The following XYLB variants were observed in gnomAD, a reference collection of about 807,000 sequenced individuals.
XYLB encodes the protein xylulose kinase.
XYLB carries 62 observed loss-of-function variants against 78.7 expected under a neutral mutation model. The observed-to-expected ratio is 0.79, with a 90% CI of 0.64 to 0.97. The LOEUF is 0.97. XYLB is among the 50% of genes least tolerant of loss of function. XYLB has a pLI of 0.00. For missense variants in XYLB, 687 were observed against 676.8 expected (o/e 1.02, Z -0.17); for synonymous variants, 245 against 247.4 (o/e 0.99, Z 0.09).
intron 18 of XYLB, among the ~76,000 whole-genome samples, chr3:38,411,727 C>G (rs1708598587): frequency 6.6e-6 from 1 of 151,384 alleles, no homozygotes; most frequent in Admixed American, 6.6e-5. Context: ...TCCTTGAGAT[C>G]TCATAAAAGT....
intron 10 of XYLB, among the ~76,000 whole-genome samples, chr3:38,373,245 C>T: frequency 6.6e-6 from 1 of 152,108 alleles, no homozygotes; most frequent in South Asian, 2.1e-4. Flanking sequence ...GAAGCCACTC[C>T]TGGAGGGGCC....
At chr3:38,359,384 A>C (rs1037305510) in intron 2 of XYLB, among the ~76,000 whole-genome samples, 2 of 152,218 alleles carry the variant, frequency 1.3e-5, no homozygotes, top group African/African-American at 4.8e-5. Context: ...GCCATCGGGA[A>C]CATGTCACAT....
At chr3:38,390,534 A>C (rs959962236) in intron 15 of XYLB, among the ~76,000 whole-genome samples, 3 of 151,688 alleles carry the variant, frequency 2.0e-5, no homozygotes, top group Non-Finnish European at 4.4e-5. Context: ...TTTTGGAGAC[A>C]AAGTCTGGCT....
At chr3:38,437,860 AG>A in the XYLB span, among the ~76,000 whole-genome samples, 1 of 152,306 alleles carries the variant, frequency 6.6e-6, no homozygotes, top group African/African-American at 2.4e-5. Flanking sequence ...TCACGAGGTC[AG>A]GAGATAGAGA....
Position 38,346,850 on chromosome 3 carries a change from C to A in XYLB, c.-19C>A. ...GCGGACGGACGGACTGACGGACGCG[C>A]AGCCTTACCCGAAAGGCCATGGCGG... On this transcript the variant is annotated 5_prime_UTR_variant, in exon 1 of 19. Transcript: ENST00000207870. The A allele has an allele frequency of 6.6e-7, 1 of 1,503,782 alleles. No individual in the cohort carries two copies. Among genetic ancestry groups the A allele is most frequent in the South Asian group, 1.3e-5 (1 of 79,456 alleles). 93.2% of individuals were successfully genotyped at this position (1,503,782 alleles called of 1,614,324 possible).
chr3:38,395,644 C>T (rs1707840635), intron 16 of XYLB, 81 bp downstream of exon 16: 1 of 1,454,004 alleles, frequency 6.9e-7, no homozygotes, highest in South Asian at 1.2e-5. Context: ...ATAGGAAGGA[C>T]AGCCTCCATT....
chr3:38,405,023 A>G (rs1000311728), intron 18 of XYLB, among the ~76,000 whole-genome samples: 1 of 152,182 alleles, frequency 6.6e-6, no homozygotes, highest in Admixed American at 6.5e-5. Flanking sequence ...GGACAGCCAC[A>G]GGGAAAACTG....
At chr3:38,368,803 G>A (rs905035445) in intron 8 of XYLB, among the ~76,000 whole-genome samples, 3 of 151,906 alleles carry the variant, frequency 2.0e-5, no homozygotes, top group Non-Finnish European at 4.4e-5. Flanking sequence ...CCAGTATAAT[G>A]TTGGGGAGAA....
At chr3:38,418,236 T>G (rs1276956607), downstream of XYLB, among the ~76,000 whole-genome samples, 1 of 151,412 alleles carries the variant, frequency 6.6e-6, no homozygotes, top group African/African-American at 2.4e-5. Context: ...TGTATGTATG[T>G]ATCTATGTAT....
downstream of XYLB, among the ~76,000 whole-genome samples, chr3:38,417,858 T>C (rs13073137): frequency 0.54 from 74,293 of 138,644 alleles, 20,259 homozygotes; most frequent in Non-Finnish European, 0.61. Flanking sequence ...CCAGCTTGGG[T>C]AACAGAGTGA....
downstream of XYLB, among the ~76,000 whole-genome samples, chr3:38,415,652 G>A (rs1197751534): frequency 6.6e-6 from 1 of 151,986 alleles, no homozygotes; most frequent in Non-Finnish European, 1.5e-5. Flanking sequence ...GTATGGTGGT[G>A]CACGCCTGTA....
chr3:38,365,690 G>T lies in XYLB; in HGVS notation c.461G>T (p.Gly154Val). The stretch of plus-strand genomic sequence containing the variant: ...TGCCGCCAGCTGGAGGCTGCTGTGG[G>T]TGGTGCTCAGGCTCTCAGCTGCCTC... Reference protein sequence around the residue: ...AQCRQLEAAVGGAQALSCLTG... With the variant: ...AQCRQLEAAVVGAQALSCLTG... The change falls in exon 6 of 19, where the codon GGT (glycine) becomes GTT (valine). Residue 154 changes from glycine to valine, a missense_variant. Transcript: ENST00000207870. The T allele has an allele frequency of 6.2e-7, 1 of 1,613,898 alleles. No individual in the cohort carries two copies.
intron 2 of XYLB, among the ~76,000 whole-genome samples, chr3:38,358,531 A>G (rs536096562): frequency 1.1e-4 from 17 of 151,920 alleles, no homozygotes; most frequent in Middle Eastern, 6.8e-3. Context: ...TTTTGTAGAG[A>G]TGGGGTTTCA....
At chr3:38,365,540 C>T in intron 5 of XYLB, 68 bp from the exon 6 acceptor site, 1 of 1,550,804 alleles carries the variant, frequency 6.4e-7, no homozygotes, top group Non-Finnish European at 8.7e-7. Flanking sequence ...AGTGTGACCG[C>T]CAGCCCTGGG....
At chr3:38,438,140 G>C in the XYLB span, among the ~76,000 whole-genome samples, 1 of 152,274 alleles carries the variant, frequency 6.6e-6, no homozygotes, top group South Asian at 2.1e-4. Flanking sequence ...GAGGCAGAAG[G>C]ATTGCTTGAA....
chr3:38,430,739 T>G, the XYLB span, among the ~76,000 whole-genome samples: 1 of 152,228 alleles, frequency 6.6e-6, no homozygotes, highest in African/African-American at 2.4e-5. Context: ...GTATGAGGTG[T>G]AAAGAAGGGA....
At chr3:38,363,704 C>T (rs576489575) in intron 4 of XYLB, among the ~76,000 whole-genome samples, 14 of 152,312 alleles carry the variant, frequency 9.2e-5, no homozygotes, top group East Asian at 5.8e-4. Flanking sequence ...CCTATTAATA[C>T]GCAGTAAACA....
chr3:38,361,687 A>C (rs818842), intron 3 of XYLB, among the ~76,000 whole-genome samples: 135,920 of 152,110 alleles, frequency 0.89, 61,323 homozygotes, highest in East Asian at 1. Flanking sequence ...GCTTGGGGGC[A>C]GGGCCAAGGT....
the XYLB span, among the ~76,000 whole-genome samples, chr3:38,442,169 G>A: frequency 6.6e-6 from 1 of 152,190 alleles, no homozygotes; most frequent in African/African-American, 2.4e-5. Flanking sequence ...ATTCCTTGCT[G>A]AGGGCCCTGG....
Sources: allele counts gnomAD v4.1 joint callset (sites outside exome capture counted in the v4.1 genomes callset), GRCh38; gene constraint gnomAD v4.1.1; transcripts MANE v1.5; gene names NCBI Gene and HGNC (gene_info 2026-07-23, HGNC 2026-07-21).